ERBB4: variants seen among roughly 807,000 people sequenced by gnomAD.
ERBB4 encodes the protein erb-b2 receptor tyrosine kinase 4.
Under a neutral mutation model 158.0 loss-of-function variants are expected in ERBB4, and 42 were observed. That is an observed-to-expected ratio of 0.27 (90% CI 0.21 to 0.34). The LOEUF is 0.34. Ranked by LOEUF, ERBB4 falls within the 10% of genes least tolerant of loss-of-function variation. ERBB4 has a pLI of 1.00. For synonymous variants in ERBB4, 583 were observed against 558.7 expected, an observed-to-expected ratio of 1.04 and a Z score of -0.61; for missense variants, 1,333 against 1,624.1, an observed-to-expected ratio of 0.82 and a Z score of 3.08.
At chr2:212,413,134 ATTTTT>A (rs370397826) in intron 1 of ERBB4, among the ~76,000 whole-genome samples, 7 of 101,212 alleles carry the variant, frequency 6.9e-5, no homozygotes, top group African/African-American at 2.8e-4. Context: ...TGCGTGGCTA[ATTTTT>A]TTTTTTTTTT....
chr2:211,451,158 A>AAAGAG (rs1474613370), intron 20 of ERBB4, among the ~76,000 whole-genome samples: 1 of 152,216 alleles, frequency 6.6e-6, no homozygotes, highest in Non-Finnish European at 1.5e-5. Flanking sequence ...AAGGCCCAGC[A>AAAGAG]AAGAGCAGTG....
chr2:211,652,372 T>C (rs2105885740), intron 16 of ERBB4, among the ~76,000 whole-genome samples: 1 of 152,342 alleles, frequency 6.6e-6, no homozygotes, highest in Non-Finnish European at 1.5e-5. Context: ...CTGTGTGCTT[T>C]TATTTATTGG....
intron 1 of ERBB4, among the ~76,000 whole-genome samples, chr2:212,404,656 C>G (rs2091295993): frequency 6.6e-6 from 1 of 151,824 alleles, no homozygotes; most frequent in Admixed American, 6.6e-5. Flanking sequence ...ATTTTTTTAA[C>G]TTTTATTTTA....
At chr2:211,935,705 A>C (rs961137612) in intron 3 of ERBB4, among the ~76,000 whole-genome samples, 2 of 151,966 alleles carry the variant, frequency 1.3e-5, no homozygotes, top group African/African-American at 4.8e-5. Flanking sequence ...AGCCTCCATA[A>C]TTGCATCAAC....
chr2:211,531,270 G>A (rs1449971626), intron 20 of ERBB4, among the ~76,000 whole-genome samples: 2 of 152,188 alleles, frequency 1.3e-5, no homozygotes, highest in East Asian at 1.9e-4. Context: ...GATTTATTGA[G>A]TAATACTCTG....
intron 1 of ERBB4, among the ~76,000 whole-genome samples, chr2:212,390,219 A>T (rs916659927): frequency 1.3e-5 from 2 of 151,692 alleles, no homozygotes; most frequent in Admixed American, 6.6e-5. Context: ...AGAAATTTTC[A>T]CTGTTAATTG....
chr2:212,191,757 T>A, intron 1 of ERBB4, among the ~76,000 whole-genome samples: 1 of 73,230 alleles, frequency 1.4e-5, no homozygotes, highest in Non-Finnish European at 3.0e-5. Context: ...TAACACGTGT[T>A]ATACATGTTA....
chr2:211,690,188 C>T (rs1259585371), intron 12 of ERBB4, among the ~76,000 whole-genome samples: 1 of 151,826 alleles, frequency 6.6e-6, no homozygotes, highest in African/African-American at 2.4e-5. Flanking sequence ...AGGACATTGA[C>T]AAGGTCACAA....
chr2:211,702,467 C>T (rs1265503506), intron 11 of ERBB4, among the ~76,000 whole-genome samples: 1 of 152,098 alleles, frequency 6.6e-6, no homozygotes, highest in Admixed American at 6.6e-5. Context: ...CTTAACTTTA[C>T]ATTGTTCAAT....
At position 211,980,991 on chromosome 2, in the gene ERBB4, C is replaced by CTA. The variant is rs1314003840; in HGVS notation, c.235-33376_235-33375insTA. 1.0e-3 allele frequency among the ~76,000 whole-genome samples: 158 copies of CTA among 150,894 alleles called. 1 individual carries two copies. Among genetic ancestry groups the CTA allele is most frequent in the Non-Finnish European group, 2.1e-3 (139 of 67,758 alleles). ...GTGTCATCTCGATACCGCTCCCCAC[C>CTA]ATCTGTATTATAATTTCTCTTCAAT... On this transcript the variant is annotated intron_variant, in intron 2 of 27. Coordinates refer to ENST00000342788, the MANE Select transcript of ERBB4 (RefSeq NM_005235.3).
At chr2:211,984,581 T>G (rs2081890452) in intron 2 of ERBB4, among the ~76,000 whole-genome samples, 1 of 152,138 alleles carries the variant, frequency 6.6e-6, no homozygotes, top group East Asian at 1.9e-4. Context: ...AATTCAGGTT[T>G]GTACTCAACA....
intron 4 of ERBB4, among the ~76,000 whole-genome samples, chr2:211,757,345 T>C (rs2075308330): frequency 1.3e-5 from 2 of 152,136 alleles, no homozygotes; most frequent in East Asian, 1.9e-4. Flanking sequence ...AAGTTAAAAA[T>C]GAAACTAAAA....
At chr2:212,154,544 T>C (rs2125634960) in intron 1 of ERBB4, among the ~76,000 whole-genome samples, 2 of 152,258 alleles carry the variant, frequency 1.3e-5, no homozygotes, top group South Asian at 2.1e-4. Context: ...CACAAAGACA[T>C]GTCTAGGCTA....
chr2:212,464,375 G>T (rs962054692), intron 1 of ERBB4, among the ~76,000 whole-genome samples: 1 of 151,826 alleles, frequency 6.6e-6, no homozygotes, highest in African/African-American at 2.4e-5. Context: ...GTTCCATTCC[G>T]GTAGAATCAT....
chr2:211,963,430 G>A (rs1012579689), intron 2 of ERBB4, among the ~76,000 whole-genome samples: 19 of 152,196 alleles, frequency 1.2e-4, no homozygotes, highest in African/African-American at 4.3e-4. Context: ...AATAAAAACA[G>A]TGCCTGCTAG....
At chr2:212,278,113 G>C (rs1217480505) in intron 1 of ERBB4, among the ~76,000 whole-genome samples, 1 of 151,706 alleles carries the variant, frequency 6.6e-6, no homozygotes, top group African/African-American at 2.4e-5. Context: ...GACATAAACA[G>C]TTTTGTACTT....
At chr2:211,591,733 CTG>C (rs879466952) in intron 19 of ERBB4, among the ~76,000 whole-genome samples, 7 of 152,246 alleles carry the variant, frequency 4.6e-5, no homozygotes, top group Non-Finnish European at 8.8e-5. Flanking sequence ...ACACCTGACA[CTG>C]TGCTTGCCAT....
At chr2:212,515,516 A>T (rs1345302411) in intron 1 of ERBB4, among the ~76,000 whole-genome samples, 1 of 152,030 alleles carries the variant, frequency 6.6e-6, no homozygotes, top group African/African-American at 2.4e-5. Context: ...CAGATATTTT[A>T]AAATCAATTA....
intron 1 of ERBB4, among the ~76,000 whole-genome samples, chr2:212,446,616 T>TATATATATATATATATATAC (rs2092360103): frequency 1.4e-5 from 1 of 73,418 alleles, no homozygotes; most frequent in Non-Finnish European, 3.0e-5. Context: ...TATATATATA[T>TATATATATATATATATATAC]ATATATATAT....
Sources: gnomAD v4.1 joint callset for allele counts (sites outside exome capture counted in the v4.1 genomes callset) on GRCh38, gnomAD v4.1.1 for gene constraint, MANE v1.5 for transcripts, NCBI Gene and HGNC (gene_info 2026-07-23, HGNC 2026-07-21) for gene names.